The following ST6GALNAC3 variants were observed in gnomAD, a reference collection of about 807,000 sequenced individuals.
ST6GALNAC3 encodes alpha-N-acetylgalactosaminide alpha-2,6-sialyltransferase 3.
A neutral mutation model predicts 32.7 loss-of-function variants in ST6GALNAC3; 25 were observed. The observed-to-expected ratio is 0.76, with a 90% CI of 0.56 to 1.07. The LOEUF (loss-of-function observed/expected upper bound fraction) is 1.07, where lower values mean the gene tolerates loss of function less well. ST6GALNAC3 is among the 50% of genes least tolerant of loss of function. ST6GALNAC3 has a pLI of 0.00. For missense variants in ST6GALNAC3, 355 were observed against 382.4 expected (o/e 0.93, Z 0.60); for synonymous variants, 129 against 133.1 (o/e 0.97, Z 0.21).
At chr1:76,276,224 GA>G (rs1659126116) in intron 1 of ST6GALNAC3, among the ~76,000 whole-genome samples, 1 of 151,186 alleles carries the variant, frequency 6.6e-6, no homozygotes, top group Non-Finnish European at 1.5e-5. Context: ...GATATATGAA[GA>G]AAAATATAAT....
chr1:76,109,341 CAA>C (rs529902008), intron 1 of ST6GALNAC3, among the ~76,000 whole-genome samples: 27 of 152,118 alleles, frequency 1.8e-4, no homozygotes, highest in Middle Eastern at 3.4e-3. Context: ...TGCAGAAAAC[CAA>C]AGACTCCCCG....
At chr1:76,387,325 G>A (rs1652174497) in intron 2 of ST6GALNAC3, among the ~76,000 whole-genome samples, 1 of 152,144 alleles carries the variant, frequency 6.6e-6, no homozygotes, top group Non-Finnish European at 1.5e-5. Flanking sequence ...ACAGTACAGT[G>A]CCTGGCACAT....
intron 1 of ST6GALNAC3, among the ~76,000 whole-genome samples, chr1:76,223,328 A>G (rs1655885539): frequency 6.6e-6 from 1 of 152,184 alleles, no homozygotes; most frequent in South Asian, 2.1e-4. Flanking sequence ...CTCTCTTATA[A>G]GTGGGAGCTA....
intron 1 of ST6GALNAC3, among the ~76,000 whole-genome samples, chr1:76,272,404 A>G (rs1045717585): frequency 1.3e-5 from 2 of 152,020 alleles, no homozygotes; most frequent in African/African-American, 4.8e-5. Context: ...CTTCTAAACT[A>G]CATCCTGTAA....
chr1:76,432,056 G>T (rs1265561197), intron 3 of ST6GALNAC3, among the ~76,000 whole-genome samples: 1 of 152,064 alleles, frequency 6.6e-6, no homozygotes, highest in Non-Finnish European at 1.5e-5. Flanking sequence ...GCCTTTTCTA[G>T]AATGTCATAT....
At chr1:76,538,147 A>G (rs1209988092) in intron 3 of ST6GALNAC3, among the ~76,000 whole-genome samples, 3 of 152,228 alleles carry the variant, frequency 2.0e-5, no homozygotes, top group Non-Finnish European at 4.4e-5. Context: ...CGAGTCCAGC[A>G]GTACATCAGA....
chr1:76,410,057 G>C (rs1260631214), intron 2 of ST6GALNAC3, among the ~76,000 whole-genome samples: 3 of 151,726 alleles, frequency 2.0e-5, no homozygotes, highest in Admixed American at 2.0e-4. Context: ...TTCCACCCTG[G>C]CCTCTTTTTT....
intron 1 of ST6GALNAC3, among the ~76,000 whole-genome samples, chr1:76,305,247 G>A (rs1660977711): frequency 6.6e-6 from 1 of 152,026 alleles, no homozygotes; most frequent in Admixed American, 6.6e-5. Flanking sequence ...AGAATCATTG[G>A]TACCATCAAG....
chr1:76,375,480 A>G lies in ST6GALNAC3; in HGVS notation c.214-36528A>G, dbSNP rs145564265. ...AAGCCACCAAATAAAGTAAAGTAGC[A>G]AGGAGAAGCCAAGTCATGCAAAGCC... On this transcript the variant is annotated intron_variant, in intron 2 of 4. Transcript: ENST00000328299. Among the ~76,000 whole-genome samples the G allele has an allele frequency of 4.3e-3, 648 of 152,330 alleles. 5 individuals are homozygous for G. Among genetic ancestry groups the G allele is most frequent in the Middle Eastern group, 0.034 (10 of 294 alleles).
intron 2 of ST6GALNAC3, among the ~76,000 whole-genome samples, chr1:76,408,040 A>ATTTC (rs1557861590): frequency 6.6e-6 from 1 of 152,008 alleles, no homozygotes; most frequent in Non-Finnish European, 1.5e-5. Context: ...GTGCCTAGGT[A>ATTTC]TTTCTTTCTT....
At chr1:76,264,746 A>T (rs573334695) in intron 1 of ST6GALNAC3, among the ~76,000 whole-genome samples, 48 of 152,282 alleles carry the variant, frequency 3.2e-4, no homozygotes, top group African/African-American at 1.1e-3. Context: ...TACTTATTGA[A>T]TTAATAGAGC....
chr1:76,346,928 G>A (rs187512557), intron 2 of ST6GALNAC3, among the ~76,000 whole-genome samples: 16 of 152,164 alleles, frequency 1.1e-4, no homozygotes, highest in African/African-American at 2.4e-4. Flanking sequence ...GTATATAGAC[G>A]TAGAGAAAGT....
At chr1:76,378,476 A>T (rs1276062743) in intron 2 of ST6GALNAC3, among the ~76,000 whole-genome samples, 2 of 152,084 alleles carry the variant, frequency 1.3e-5, no homozygotes, top group Non-Finnish European at 1.5e-5. Context: ...AGCCTGACCA[A>T]TATGAGGAAA....
At chr1:76,095,277 A>G (rs1647111452) in intron 1 of ST6GALNAC3, among the ~76,000 whole-genome samples, 1 of 152,216 alleles carries the variant, frequency 6.6e-6, no homozygotes, top group African/African-American at 2.4e-5. Flanking sequence ...TATACAAAGT[A>G]TAACATTATA....
chr1:76,445,749 C>T (rs1222190263), intron 3 of ST6GALNAC3, among the ~76,000 whole-genome samples: 1 of 152,118 alleles, frequency 6.6e-6, no homozygotes, highest in African/African-American at 2.4e-5. Flanking sequence ...CTTTTTAAAA[C>T]TAGCTTTTAT....
rs1447582717 is a variant in ST6GALNAC3 at position 76,630,003 on chromosome 1, T to C, written c.*1197T>C. The C allele has an allele frequency of 1.4e-5, 14 of 985,108 alleles. No individual in the cohort carries two copies. The highest frequency in any genetic ancestry group is 1.6e-5 in the Non-Finnish European group (13 of 829,832). 61.0% of individuals were successfully genotyped at this position (985,108 alleles called of 1,614,324 possible). A position where few individuals can be genotyped will look rare whatever the true frequency, so the allele number is the denominator to read the frequency against. On this transcript the variant is annotated 3_prime_UTR_variant, in exon 5 of 5. Coordinates refer to ENST00000328299, the MANE Select transcript of ST6GALNAC3 (RefSeq NM_152996.4). ...ATAACAACAATAATAATGTTCTTAATGTCCAAAGTGCTTTGTCATTTAGAG... is the reference window on the plus strand; with the variant it reads ...ATAACAACAATAATAATGTTCTTAACGTCCAAAGTGCTTTGTCATTTAGAG...
chr1:76,165,811 ATCT>A (rs1652086360), intron 1 of ST6GALNAC3, among the ~76,000 whole-genome samples: 1 of 152,014 alleles, frequency 6.6e-6, no homozygotes, highest in Non-Finnish European at 1.5e-5. Flanking sequence ...CTGCATGTAC[ATCT>A]TCTTTTGAAA....
chr1:76,560,705 A>G (rs1402177012), intron 3 of ST6GALNAC3, among the ~76,000 whole-genome samples: 1 of 152,214 alleles, frequency 6.6e-6, no homozygotes, highest in Non-Finnish European at 1.5e-5. Context: ...GAAGATGTGG[A>G]GGAAAGGAAA....
intron 3 of ST6GALNAC3, among the ~76,000 whole-genome samples, chr1:76,471,265 T>C (rs1659008035): frequency 6.6e-6 from 1 of 152,126 alleles, no homozygotes; most frequent in Non-Finnish European, 1.5e-5. Context: ...AGATACTGTC[T>C]TCATAAAACA....
Sources: allele counts gnomAD v4.1 joint callset (sites outside exome capture counted in the v4.1 genomes callset), GRCh38; gene constraint gnomAD v4.1.1; transcripts MANE v1.5; gene names NCBI Gene and HGNC (gene_info 2026-07-23, HGNC 2026-07-21).